The following ZFP91 variants were observed in gnomAD, a reference collection of about 807,000 sequenced individuals.
ZFP91 encodes ZFP91 zinc finger protein, atypical E3 ubiquitin ligase.
In ZFP91, 7 loss-of-function variants were observed where a neutral mutation model predicts 63.5. The observed-to-expected ratio is 0.11, with a 90% confidence interval of 0.06 to 0.21. ZFP91 has a LOEUF of 0.21. Among genes scored for constraint, ZFP91 ranks in the 10% least tolerant of loss-of-function variants. The pLI is 1.00. For synonymous variants in ZFP91, 330 were observed against 272.1 expected (o/e 1.21, Z -2.10); for missense variants, 628 against 736.6 (o/e 0.85, Z 1.71).
chr11:58,585,092 A>T lies in ZFP91; in HGVS notation c.370+208A>T, dbSNP rs149859386. On this transcript the variant is annotated intron_variant, in intron 2 of 10. Transcript: ENST00000316059. ...TAGAAACCTAATAAAGGCAAATCAG[A>T]TTGTTTGATGGTAATTTATAGTAAC... is the stretch of plus-strand genomic sequence containing the variant. Among the ~76,000 whole-genome samples the T allele has an allele frequency of 6.5e-4, 99 of 152,274 alleles. 1 individual carries two copies. In the East Asian group the frequency reaches 0.017, roughly 26 times the overall value.
rs1421016527 is a variant in ZFP91 at position 58,621,234 on chromosome 11, T to C, written c.*3528T>C. On this transcript the variant is annotated 3_prime_UTR_variant, in exon 11 of 11. Transcript: ENST00000316059. ...ATGCTGAAATGACATGATTCTGTTA[T>C]TCAGCAAACTTGGAAATCTTGATGT... Among the ~76,000 whole-genome samples the C allele has an allele frequency of 6.6e-6, 1 of 152,208 alleles. No individual in the cohort carries two copies. The highest frequency in any genetic ancestry group is 2.4e-5 in the African/African-American group (1 of 41,460).
chr11:58,610,223 G>T (rs773326884), intron 3 of ZFP91, 75 bp from the exon 4 acceptor site: 3 of 1,509,726 alleles, frequency 2.0e-6, no homozygotes, highest in Non-Finnish European at 2.7e-6. Context: ...AATTTGATTT[G>T]CATTTCTTGA....
In ZFP91 at chr11:58,611,682, G is replaced by A. The variant is rs1359295226; in HGVS notation, c.801G>A (p.Glu267=). 1 of 1,612,262 alleles carries A rather than the reference G, an allele frequency of 6.2e-7. No homozygotes were observed. The highest frequency in any genetic ancestry group is 8.5e-7 in the Non-Finnish European group (1 of 1,179,116). ...KEKKEIKVEV[E]VEVKEEENEI... Reference sequence around the variant, plus strand: ...AGAAGGAAATTAAAGTGGAAGTAGAGGTGGAGGTGAAAGAAGAGGAGAATG... The same window carrying A: ...AGAAGGAAATTAAAGTGGAAGTAGAAGTGGAGGTGAAAGAAGAGGAGAATG... Residue 267 remains glutamate (E), a synonymous_variant, in exon 6 of 11, where the codon GAG becomes GAA. Coordinates refer to ENST00000316059, the MANE Select transcript of ZFP91 (RefSeq NM_053023.5).
At chr11:58,580,817 G>T (rs1855100601) in intron 1 of ZFP91, among the ~76,000 whole-genome samples, 1 of 152,194 alleles carries the variant, frequency 6.6e-6, no homozygotes, top group African/African-American at 2.4e-5. Context: ...AGAATTTGTT[G>T]TAAGAACTGC....
At chr11:58,585,028 C>T (rs1429555178) in intron 2 of ZFP91, 144 bp downstream of exon 2, 12 of 603,988 alleles carry the variant, frequency 2.0e-5, no homozygotes, top group Middle Eastern at 5.5e-4. Context: ...AATATTTAGA[C>T]GACAGCACGT....
At chr11:58,594,991 T>C (rs935336988) in intron 2 of ZFP91, among the ~76,000 whole-genome samples, 1 of 152,160 alleles carries the variant, frequency 6.6e-6, no homozygotes, top group Admixed American at 6.5e-5. Context: ...CAAGGCTGGG[T>C]GGAAATGAGC....
intron 2 of ZFP91, among the ~76,000 whole-genome samples, chr11:58,598,862 A>G (rs1253972235): frequency 6.6e-6 from 1 of 151,934 alleles, no homozygotes; most frequent in Non-Finnish European, 1.5e-5. Context: ...CATTTGGTAC[A>G]TTTACAGTGT....
At position 58,618,928 on chromosome 11, in the gene ZFP91, T is replaced by G; in HGVS notation, c.*1222T>G. On this transcript the variant is annotated 3_prime_UTR_variant, in exon 11 of 11. Transcript: ENST00000316059. ...AGAATCTAAATTACAGATAGATGAT[T>G]GTTTCTTGTGAATTTGTTTCTTTTC... 1 of 218,494 alleles carries G rather than the reference T, an allele frequency of 4.6e-6. No individual in the cohort carries two copies. Among genetic ancestry groups the G allele is most frequent in the South Asian group, 5.6e-5 (1 of 17,864 alleles). 13.5% of individuals were successfully genotyped at this position (218,494 alleles called of 1,614,324 possible). A position where few individuals can be genotyped will look rare whatever the true frequency, so the allele number is the denominator to read the frequency against.
intron 1 of ZFP91, among the ~76,000 whole-genome samples, chr11:58,584,383 A>G (rs759221091): frequency 6.6e-6 from 1 of 152,086 alleles, no homozygotes; most frequent in Admixed American, 6.5e-5. Context: ...CATGCTTGCT[A>G]TGTCCATCCT....
chr11:58,611,113 G>A (rs780067763), intron 5 of ZFP91, 59 bp downstream of exon 5: 1 of 1,477,552 alleles, frequency 6.8e-7, no homozygotes, highest in East Asian at 2.3e-5. Context: ...AAGCACTGTT[G>A]CATGCTTTTA....
In ZFP91 at chr11:58,618,522, G is replaced by C. The variant is rs1452707603; in HGVS notation, c.*816G>C. 5.2e-6 allele frequency: 2 copies of C among 382,706 alleles called. No homozygotes were observed. Among genetic ancestry groups the C allele is most frequent in the East Asian group, 7.2e-5 (1 of 13,868 alleles). 23.7% of individuals were successfully genotyped at this position (382,706 alleles called of 1,614,324 possible). A position where few individuals can be genotyped will look rare whatever the true frequency, so the allele number is the denominator to read the frequency against. On this transcript the variant is annotated 3_prime_UTR_variant, in exon 11 of 11. Coordinates refer to ENST00000316059, the MANE Select transcript of ZFP91 (RefSeq NM_053023.5). ...TGGCAGAAATTTGCACTTTGAACAT[G>C]TGTGTTTTTGTGTTGTGGAACCTGA... is the stretch of plus-strand genomic sequence containing the variant.
intron 2 of ZFP91, among the ~76,000 whole-genome samples, chr11:58,598,210 T>G (rs574175309): frequency 1.2e-4 from 18 of 152,232 alleles, no homozygotes; most frequent in African/African-American, 2.9e-4. Context: ...GTCTAAGACT[T>G]TGTGTGTGTA....
chr11:58,617,728 T>TG lies in ZFP91; in HGVS notation c.*25dup. The TG allele has an allele frequency of 8.1e-6, 12 of 1,489,740 alleles. No individual in the cohort carries two copies. The highest frequency in any genetic ancestry group is 1.1e-5 in the Non-Finnish European group (12 of 1,121,360). The allele number at this position is 1,489,740 out of a possible 1,614,324, so 92.3% of individuals were successfully genotyped here. A position where few individuals can be genotyped will look rare whatever the true frequency, so the allele number is the denominator to read the frequency against. Reference sequence around the variant, plus strand: ...TTAGTGGACAGGAAGACTTGGGGCATGGGACAGCTCAGACTTTGTATTTAA... The same window carrying TG: ...TTAGTGGACAGGAAGACTTGGGGCATGGGGACAGCTCAGACTTTGTATTTAA... On this transcript the variant is annotated 3_prime_UTR_variant, in exon 11 of 11. Coordinates refer to ENST00000316059, the MANE Select transcript of ZFP91 (RefSeq NM_053023.5). This position sits in a 1 kb window ranked among gnomAD's most constrained non-coding sequence, Gnocchi z 4.2.
At chr11:58,609,807 GAA>G in intron 2 of ZFP91, 21 bp from the exon 3 acceptor site, 1 of 1,605,040 alleles carries the variant, frequency 6.2e-7, no homozygotes, top group East Asian at 2.2e-5. Flanking sequence ...AACTTAAAGA[GAA>G]TGGTATGTCT....
rs765649469 is a variant in ZFP91, at chr11:58,617,500, A to G, written c.1507A>G (p.Thr503Ala). The G allele has an allele frequency of 8.1e-6, 13 of 1,613,970 alleles. No homozygotes were observed. Among genetic ancestry groups the G allele is most frequent in the South Asian group, 3.3e-5 (3 of 91,086 alleles). Residue 503 changes from threonine to alanine, a missense_variant, in exon 11 of 11, where the codon ACC (threonine) becomes GCC (alanine). Physicochemically the swap from Thr to Ala is moderately conservative, Grantham distance 58. This residue lies in a region of ZFP91 where 115 missense variants were observed against 125.4 expected (regional missense o/e 0.92). Coordinates refer to ENST00000316059, the MANE Select transcript of ZFP91 (RefSeq NM_053023.5). This position sits in a 1 kb window ranked among gnomAD's most constrained non-coding sequence, Gnocchi z 4.2. ...TCTTCCTGAGCCCTTGGGAAACTCA[A>G]CCTCTGGAGAGTGCCTACTGTTAGA... ...PLLPEPLGNSTSGECLLLEAE... is the reference protein window; with the variant it reads ...PLLPEPLGNSASGECLLLEAE...
chr11:58,604,368 C>A (rs1855537669), intron 2 of ZFP91, among the ~76,000 whole-genome samples: 1 of 152,004 alleles, frequency 6.6e-6, no homozygotes, highest in Non-Finnish European at 1.5e-5. Flanking sequence ...TGTTGACCAC[C>A]ACCAAAAGCT....
chr11:58,582,279 C>G (rs552320286), intron 1 of ZFP91, among the ~76,000 whole-genome samples: 1 of 152,290 alleles, frequency 6.6e-6, no homozygotes, highest in South Asian at 2.1e-4. Context: ...TTAATTTTTT[C>G]TACATAATTT....
chr11:58,606,188 A>G (rs1353236612), intron 2 of ZFP91, among the ~76,000 whole-genome samples: 3 of 152,104 alleles, frequency 2.0e-5, no homozygotes, highest in Admixed American at 1.3e-4. Context: ...CAGCCTCCCA[A>G]GTAGCTGAGA....
chr11:58,580,093 C>CTT (rs11416026), intron 1 of ZFP91, among the ~76,000 whole-genome samples: 38,980 of 144,194 alleles, frequency 0.27, 5,396 homozygotes, highest in Middle Eastern at 0.36. Context: ...GTTTATGTAG[C>CTT]TTTTTTTTTT....
Sources: allele counts gnomAD v4.1 joint callset (sites outside exome capture counted in the v4.1 genomes callset), GRCh38; gene constraint gnomAD v4.1.1; regional missense constraint gnomAD v4.1.1; non-coding constraint Gnocchi (gnomAD v3.1); transcripts MANE v1.5; gene names NCBI Gene and HGNC (gene_info 2026-07-23, HGNC 2026-07-21).